The following PLD2 variants were observed in gnomAD, a reference collection of about 807,000 sequenced individuals.
The protein encoded by PLD2 is choline phosphatase 2.
PLD2 carries 101 observed loss-of-function variants against 119.8 expected under a neutral mutation model. That is an observed-to-expected ratio of 0.84 (90% CI 0.72 to 0.99). The LOEUF (loss-of-function observed/expected upper bound fraction) is 0.99. Ranked by LOEUF, PLD2 falls within the 50% of genes least tolerant of loss-of-function variation. The probability of loss-of-function intolerance (pLI) is 0.00; values close to 1 mark genes in which losing one functional copy is unlikely to be tolerated. For synonymous variants in PLD2, 494 were observed against 482.8 expected, an observed-to-expected ratio of 1.02 and a Z score of -0.30; for missense variants, 1,164 against 1,226.8, an observed-to-expected ratio of 0.95 and a Z score of 0.76.
At chr17:4,814,961 G>GTA (rs1274511100) in intron 12 of PLD2, among the ~76,000 whole-genome samples, 1 of 152,100 alleles carries the variant, frequency 6.6e-6, no homozygotes, top group Non-Finnish European at 1.5e-5. Context: ...ACTTTATTGT[G>GTA]TTATCTGGGG....
intron 14 of PLD2, 93 bp from the exon 15 acceptor site, chr17:4,816,527 C>T (rs369063963): frequency 7.6e-7 from 1 of 1,321,368 alleles, no homozygotes; most frequent in Non-Finnish European, 1.1e-6. Context: ...CTCTCGGTCT[C>T]TCTCACTCTT....
At chr17:4,814,387 C>CCCT (rs1906760420) in intron 10 of PLD2, 31 bp from the exon 11 acceptor site, 1 of 1,589,586 alleles carries the variant, frequency 6.3e-7, no homozygotes, top group Non-Finnish European at 8.6e-7. Flanking sequence ...CTTCTGACTC[C>CCCT]CCTGACCTCC....
At chr17:4,820,871 C>T (rs1449831128) in intron 23 of PLD2, among the ~76,000 whole-genome samples, 8 of 147,130 alleles carry the variant, frequency 5.4e-5, no homozygotes, top group African/African-American at 1.5e-4. Flanking sequence ...CCACCACGCC[C>T]GGCCAAAAAA....
In PLD2 at chr17:4,819,150, AC is replaced by A; in HGVS notation, c.2244del (p.Val749SerfsTer42). On this transcript the variant is annotated frameshift_variant, in exon 22 of 25. Coordinates refer to ENST00000263088, the MANE Select transcript of PLD2 (RefSeq NM_002663.5). LOFTEE classifies it high-confidence loss of function. The surrounding 1 kb of genome is among the most constrained non-coding windows in gnomAD (Gnocchi z 4.2). ...GLRTHGELGG[H>X]PVSELIYIHS... ...CGTACACACGGAGAGCTGGGCGGGC[AC>A]CCCGTCTCGGAGCTCATCTACATCC... 6.2e-7 allele frequency: 1 copy of A among 1,613,936 alleles called. No homozygotes were observed. Among genetic ancestry groups the A allele is most frequent in the Non-Finnish European group, 8.5e-7 (1 of 1,179,960 alleles).
intron 18 of PLD2, 55 bp from the exon 19 acceptor site, chr17:4,818,242 C>G (rs1399005147): frequency 2.6e-6 from 4 of 1,534,386 alleles, no homozygotes; most frequent in Non-Finnish European, 3.6e-6. Context: ...GGCTGGAGGC[C>G]GAGGACAGGG....
At position 4,810,969 on chromosome 17, in the gene PLD2, C is replaced by T. The variant is rs761080195; in HGVS notation, c.1010+18C>T. On this transcript the variant is annotated intron_variant, in intron 10 of 24. Coordinates refer to ENST00000263088, the MANE Select transcript of PLD2 (RefSeq NM_002663.5). ...GCCCGGTGGTGAGACACTGACATCC[C>T]TTCTGAGCTTGTCTGTGGCTTTCTT... 1 of 1,596,820 alleles carries T rather than the reference C, an allele frequency of 6.3e-7. No individual in the cohort carries two copies. The highest frequency in any genetic ancestry group is 8.5e-7 in the Non-Finnish European group (1 of 1,173,782).
At position 4,809,880 on chromosome 17, in the gene PLD2, G is replaced by T; in HGVS notation, c.711G>T (p.Trp237Cys). ...ACACGGAGCCCTTCTGCTCTAGGTG[G>T]CTGGTGGTGAAGGACTCCTTCCTGC... is the stretch of plus-strand genomic sequence containing the variant. The part of the protein sequence containing the change: ...DQVCYRWSKR[W>C]LVVKDSFLLY... Residue 237 changes from tryptophan (W) to cysteine (C), a missense_variant, in exon 9 of 25, where the codon TGG becomes TGT. Coordinates refer to ENST00000263088, the MANE Select transcript of PLD2 (RefSeq NM_002663.5). The T allele has an allele frequency of 6.2e-7, 1 of 1,614,186 alleles. No individual in the cohort carries two copies. The highest frequency in any genetic ancestry group is 1.1e-5 in the South Asian group (1 of 91,084).
chr17:4,816,782 G>A (rs1219098943), intron 15 of PLD2, 36 bp downstream of exon 15: 1 of 1,614,088 alleles, frequency 6.2e-7, no homozygotes, highest in Non-Finnish European at 8.5e-7. Context: ...CCAGAGAGCT[G>A]AGAGCAGGGT....
chr17:4,807,957 ACACTC>A lies in PLD2; in HGVS notation c.110-25_110-21del. On this transcript the variant is annotated intron_variant, in intron 2 of 24. Coordinates refer to ENST00000263088, the MANE Select transcript of PLD2 (RefSeq NM_002663.5). The surrounding 1 kb of genome is among the most constrained non-coding windows in gnomAD (Gnocchi z 5.4). ...AGGGGGCTGGGGCCTGTTGTGGTCT[ACACTC>A]CTCGACTTTCTTTCCTCCCAGCCGA... 1 of 1,606,106 alleles carries A rather than the reference ACACTC, an allele frequency of 6.2e-7. No individual in the cohort carries two copies.
intron 23 of PLD2, among the ~76,000 whole-genome samples, chr17:4,820,875 C>CA (rs932131386): frequency 1.6e-3 from 212 of 132,098 alleles, no homozygotes; most frequent in Middle Eastern, 7.7e-3. Flanking sequence ...CACGCCCGGC[C>CA]AAAAAAAAAA....
At chr17:4,817,723 C>A (rs1907158543) in intron 17 of PLD2, among the ~76,000 whole-genome samples, 1 of 151,380 alleles carries the variant, frequency 6.6e-6, no homozygotes, top group East Asian at 2.0e-4. Context: ...CTTTGGGAGG[C>A]CGAGGCAGGC....
In PLD2 at chr17:4,817,176, T is replaced by C; in HGVS notation, c.1732T>C (p.Tyr578His). 6.2e-7 allele frequency: 1 copy of C among 1,613,746 alleles called. No individual in the cohort carries two copies. Among genetic ancestry groups the C allele is most frequent in the Non-Finnish European group, 8.5e-7 (1 of 1,179,676 alleles). ...CAAGGCCAAGTACAAGACTCCCACA[T>C]ACCCCTACCTGCTTCCCAAGTCTAC... is the stretch of plus-strand genomic sequence containing the variant. ...TTKAKYKTPT[Y>H]PYLLPKSTST... Residue 578 changes from tyrosine to histidine, a missense_variant, in exon 17 of 25, where the codon TAC becomes CAC. Physicochemically the swap from Tyr to His is moderately conservative, Grantham distance 83. Coordinates refer to ENST00000263088, the MANE Select transcript of PLD2 (RefSeq NM_002663.5).
rs148927939 is a variant in PLD2 at position 4,819,199 on chromosome 17, T to C, written c.2289T>C (p.Asp763=). Residue 763 remains aspartate (D), a synonymous_variant, in exon 22 of 25, where the codon GAT becomes GAC. Coordinates refer to ENST00000263088, the MANE Select transcript of PLD2 (RefSeq NM_002663.5). This position sits in a 1 kb window ranked among gnomAD's most constrained non-coding sequence, Gnocchi z 4.2. ...IYIHSKVLIA[D]DRTVIIGSAN... is the part of the protein sequence containing the mutation. ...TCCACAGCAAGGTGCTCATCGCAGA[T>C]GACCGGACAGTCATCATTGGTCAGT... 12 of 1,614,026 alleles carry C rather than the reference T, an allele frequency of 7.4e-6. No individual in the cohort carries two copies. The highest frequency in any genetic ancestry group is 9.3e-6 in the Non-Finnish European group (11 of 1,180,024).
Position 4,809,293 on chromosome 17 carries a change from T to C in PLD2, c.490-5T>C. The C allele has an allele frequency of 6.2e-7, 1 of 1,613,708 alleles. No individual in the cohort carries two copies. Among genetic ancestry groups the C allele is most frequent in the Non-Finnish European group, 8.5e-7 (1 of 1,179,600 alleles). The stretch of plus-strand genomic sequence containing the variant: ...GTCTCTCTCTCTCTCTCATCTCCAC[T>C]TCAGAAATACCTGGAGAATTACCTC... On this transcript the variant is annotated splice_region_variant and splice_polypyrimidine_tract_variant and intron_variant, in intron 5 of 24. Coordinates refer to ENST00000263088, the MANE Select transcript of PLD2 (RefSeq NM_002663.5).
In PLD2 at chr17:4,814,653, T is replaced by G. The variant is rs555990781; in HGVS notation, c.1115T>G (p.Leu372Arg). The change falls in exon 12 of 25, where the codon CTG becomes CGG. Residue 372 changes from leucine to arginine, a missense_variant. Physicochemically the swap from Leu to Arg is moderately radical, Grantham distance 102. Transcript: ENST00000263088. ...CCCAGGTTGAGTCCTGAGGTTTACC[T>G]GAAGCGTCCGGCCCATTCAGATGAC... ...TDWWLSPEVY[L>R]KRPAHSDDWR... The G allele has an allele frequency of 1.4e-5, 23 of 1,614,134 alleles. No homozygotes were observed. Among genetic ancestry groups the G allele is most frequent in the Non-Finnish European group, 1.9e-5 (22 of 1,180,036 alleles).
At chr17:4,811,346 G>A (rs560592954) in intron 10 of PLD2, among the ~76,000 whole-genome samples, 2 of 128,510 alleles carry the variant, frequency 1.6e-5, no homozygotes, top group East Asian at 2.2e-4. Flanking sequence ...TGTTGATCTC[G>A]GCTCACTGCA....
At position 4,808,998 on chromosome 17, in the gene PLD2, C is replaced by A; in HGVS notation, c.384-102C>A. The stretch of plus-strand genomic sequence containing the variant: ...CGTGAGCCACCACGCCTGGCCACCT[C>A]CAGGCCTCTTCTTTTCCTCCGAGCC... On this transcript the variant is annotated intron_variant, in intron 4 of 24. Coordinates refer to ENST00000263088, the MANE Select transcript of PLD2 (RefSeq NM_002663.5). This position sits in a 1 kb window ranked among gnomAD's most constrained non-coding sequence, Gnocchi z 4.1. 1.1e-6 allele frequency: 1 copy of A among 915,974 alleles called. No homozygotes were observed. The highest frequency in any genetic ancestry group is 1.8e-6 in the Non-Finnish European group (1 of 567,888). 56.7% of individuals were successfully genotyped at this position (915,974 alleles called of 1,614,324 possible). A position where few individuals can be genotyped will look rare whatever the true frequency, so the allele number is the denominator to read the frequency against.
intron 4 of PLD2, 33 bp from the exon 5 acceptor site, chr17:4,809,067 C>A (rs749515535): frequency 6.5e-7 from 1 of 1,543,560 alleles, no homozygotes; most frequent in Admixed American, 1.7e-5. Context: ...AGCCTCCCAG[C>A]TCTTACCTGA....
chr17:4,809,894 A>T lies in PLD2; in HGVS notation c.725A>T (p.Asp242Val). 1 of 1,613,236 alleles carries T rather than the reference A, an allele frequency of 6.2e-7. No homozygotes were observed. Among genetic ancestry groups the T allele is most frequent in the Non-Finnish European group, 8.5e-7 (1 of 1,179,798 alleles). Residue 242 changes from aspartate (D) to valine (V), a missense_variant, in exon 9 of 25, where the codon GAC becomes GTC. Coordinates refer to ENST00000263088, the MANE Select transcript of PLD2 (RefSeq NM_002663.5). ...TGCTCTAGGTGGCTGGTGGTGAAGG[A>T]CTCCTTCCTGCTGTACATGTGCCTC... Reference protein sequence around the residue: ...RWSKRWLVVKDSFLLYMCLET... With the variant: ...RWSKRWLVVKVSFLLYMCLET...
Sources: gnomAD v4.1 joint callset for allele counts (sites outside exome capture counted in the v4.1 genomes callset) on GRCh38, gnomAD v4.1.1 for gene constraint, Gnocchi (gnomAD v3.1) non-coding constraint, MANE v1.5 for transcripts, NCBI Gene and HGNC (gene_info 2026-07-23, HGNC 2026-07-21) for gene names.